NRIP3: variants seen among roughly 807,000 people sequenced by gnomAD.
The protein encoded by NRIP3 is nuclear receptor-interacting protein 3.
In NRIP3, 31 loss-of-function variants were observed where a neutral mutation model predicts 29.0. The ratio of observed to expected loss-of-function variants is 1.07; its 90% confidence interval spans 0.80 to 1.44. The LOEUF (loss-of-function observed/expected upper bound fraction) is 1.44. Among genes scored for constraint, NRIP3 ranks in the 40% most tolerant of loss-of-function variants. NRIP3 has a pLI of 0.00. For synonymous variants in NRIP3, 131 were observed against 118.3 expected (o/e 1.11, Z -0.70); for missense variants, 314 against 297.9 (o/e 1.05, Z -0.40).
intron 1 of NRIP3, among the ~76,000 whole-genome samples, chr11:9,002,578 T>A (rs1854825474): frequency 8.0e-6 from 1 of 124,994 alleles, no homozygotes; most frequent in Non-Finnish European, 1.6e-5. Context: ...TACCTGTGTA[T>A]CATTAGAGCT....
At chr11:8,984,038 G>T (rs561923070) in intron 5 of NRIP3, 34 bp downstream of exon 5, 1 of 1,604,714 alleles carries the variant, frequency 6.2e-7, no homozygotes, top group Non-Finnish European at 8.5e-7. Context: ...GCCTCAGAGA[G>T]GAAGTATCAA....
chr11:9,000,759 G>C (rs80060429), intron 1 of NRIP3, among the ~76,000 whole-genome samples: 1 of 145,348 alleles, frequency 6.9e-6, no homozygotes, highest in Non-Finnish European at 1.5e-5. Context: ...TTTTTCTCCA[G>C]CTTCACTGAG....
chr11:9,001,011 G>C (rs997221393), intron 1 of NRIP3, among the ~76,000 whole-genome samples: 4 of 152,082 alleles, frequency 2.6e-5, no homozygotes, highest in Non-Finnish European at 5.9e-5. Flanking sequence ...CGAGGCTGCA[G>C]TAAGATGTGA....
chr11:8,988,253 G>T lies in NRIP3; in HGVS notation c.204C>A (p.Leu68=), dbSNP rs142152039. ...GGAGCTTAGACAGGTTGGTTTCCAT[G>T]AGGCGCCTCTGCAGAATATTATGAG... The part of the protein sequence containing the change: ...MQPHNILQRR[L]METNLSKLRS... Residue 68 remains leucine, a synonymous_variant, in exon 2 of 7, where the codon CTC becomes CTA. Transcript: ENST00000309166. 6.2e-7 allele frequency: 1 copy of T among 1,614,130 alleles called. No homozygotes were observed. The highest frequency in any genetic ancestry group is 8.5e-7 in the Non-Finnish European group (1 of 1,179,992).
Position 8,988,247 on chromosome 11 carries a change from T to G in NRIP3, c.210A>C (p.Glu70Asp), listed in dbSNP as rs750079044. The change falls in exon 2 of 7, where the codon GAA (glutamate) becomes GAC (aspartate). Residue 70 changes from glutamate (E) to aspartate (D), a missense_variant. Coordinates refer to ENST00000309166, the MANE Select transcript of NRIP3 (RefSeq NM_020645.3). Reference protein sequence around the residue: ...PHNILQRRLMETNLSKLRSGP... With the variant: ...PHNILQRRLMDTNLSKLRSGP... ...CGCTTCGGAGCTTAGACAGGTTGGT[T>G]TCCATGAGGCGCCTCTGCAGAATAT... is the stretch of plus-strand genomic sequence containing the variant. 4 of 1,614,002 alleles carry G rather than the reference T, an allele frequency of 2.5e-6. No individual in the cohort carries two copies. In the African/African-American group the frequency reaches 4.0e-5, roughly 16 times the overall value.
At chr11:8,987,186 A>C (rs188896949) in intron 3 of NRIP3, among the ~76,000 whole-genome samples, 1 of 152,176 alleles carries the variant, frequency 6.6e-6, no homozygotes, top group Non-Finnish European at 1.5e-5. Flanking sequence ...ACTTTTACTC[A>C]TCTGGATGGA....
At chr11:8,985,873 A>C (rs146712811) in intron 3 of NRIP3, 23 bp from the exon 4 acceptor site, 1 of 1,612,562 alleles carries the variant, frequency 6.2e-7, no homozygotes, top group Admixed American at 1.7e-5. Context: ...GGAAGATACC[A>C]AAATCCCCTT....
Position 8,980,790 on chromosome 11 carries a change from C to A in NRIP3, c.*2755G>T, listed in dbSNP as rs780156764. 5 of 152,184 alleles carry A rather than the reference C, an allele frequency of 3.3e-5. No individual in the cohort carries two copies. Among genetic ancestry groups the A allele is most frequent in the Non-Finnish European group, 5.9e-5 (4 of 68,044 alleles). 9.4% of individuals were successfully genotyped at this position (152,184 alleles called of 1,614,324 possible). On this transcript the variant is annotated 3_prime_UTR_variant, in exon 7 of 7. Coordinates refer to ENST00000309166, the MANE Select transcript of NRIP3 (RefSeq NM_020645.3). ...CATACCAGGCAACCCATTGTATAGACACTTTGAGCTAAGAAATAGAAAATT... is the reference window on the plus strand; with the variant it reads ...CATACCAGGCAACCCATTGTATAGAAACTTTGAGCTAAGAAATAGAAAATT...
At chr11:8,985,608 G>C (rs888861780) in intron 4 of NRIP3, 103 bp downstream of exon 4, 4 of 1,444,176 alleles carry the variant, frequency 2.8e-6, no homozygotes, top group Non-Finnish European at 3.7e-6. Context: ...GAACCATTTT[G>C]AAAAAGTCAA....
chr11:8,984,054 A>C lies in NRIP3; in HGVS notation c.615+18T>G. 1 of 1,609,732 alleles carries C rather than the reference A, an allele frequency of 6.2e-7. No homozygotes were observed. Among genetic ancestry groups the C allele is most frequent in the Non-Finnish European group, 8.5e-7 (1 of 1,176,014 alleles). ...CCTCAGAGAGGAAGTATCAAGGGGT[A>C]AGTGGAGTCAATCTTACCTTCAGAG... On this transcript the variant is annotated intron_variant, in intron 5 of 6. Transcript: ENST00000309166.
intron 1 of NRIP3, among the ~76,000 whole-genome samples, chr11:8,996,275 C>CTTTTTTTTTTTTTTTTTTTTTTTT: frequency 1.2e-5 from 1 of 82,944 alleles, no homozygotes; most frequent in Non-Finnish European, 2.1e-5. Flanking sequence ...CCTTTTTTTC[C>CTTTTTTTTTTTTTTTTTTTTTTTT]TTTTTTTTTT....
Position 8,981,027 on chromosome 11 carries a change from A to G in NRIP3, c.*2518T>C, listed in dbSNP as rs143018641. 1 of 152,254 alleles carries G rather than the reference A, an allele frequency of 6.6e-6. No homozygotes were observed. The highest frequency in any genetic ancestry group is 6.5e-5 in the Admixed American group (1 of 15,288). The allele number at this position is 152,254 out of a possible 1,614,324, so 9.4% of individuals were successfully genotyped here. A position where few individuals can be genotyped will look rare whatever the true frequency, so the allele number is the denominator to read the frequency against. On this transcript the variant is annotated 3_prime_UTR_variant, in exon 7 of 7. Coordinates refer to ENST00000309166, the MANE Select transcript of NRIP3 (RefSeq NM_020645.3). ...TGACACCCTTTCTCCCACACCCTCA[A>G]TGTAAGGTACCAGAATTTTTTAGGA... is the stretch of plus-strand genomic sequence containing the variant.
intron 6 of NRIP3, 35 bp from the exon 7 acceptor site, chr11:8,983,595 C>T (rs771004245): frequency 6.2e-7 from 1 of 1,604,876 alleles, no homozygotes; most frequent in Non-Finnish European, 8.5e-7. Context: ...AGAAATAATG[C>T]CAAATTCAAA....
intron 3 of NRIP3, 80 bp from the exon 4 acceptor site, chr11:8,985,930 C>T (rs2134909070): frequency 1.3e-6 from 2 of 1,504,434 alleles, no homozygotes; most frequent in East Asian, 4.5e-5. Flanking sequence ...TTCTGACCTA[C>T]AATTGGAATT....
At position 8,988,278 on chromosome 11, in the gene NRIP3, G is replaced by A; in HGVS notation, c.179C>T (p.Pro60Leu). The change falls in exon 2 of 7, where the codon CCT (proline) becomes CTT (leucine). Residue 60 changes from proline (P) to leucine (L), a missense_variant. Pro to Leu is a moderately conservative substitution (Grantham distance 98, BLOSUM62 -3). Transcript: ENST00000309166. ...GAGGCGCCTCTGCAGAATATTATGA[G>A]GTTGCTTGAGGGATAGAAAGCAGAG... The part of the protein sequence containing the change: ...KKLGSSKDMQ[P>L]HNILQRRLME... 8 of 1,613,230 alleles carry A rather than the reference G, an allele frequency of 5.0e-6. No homozygotes were observed. The highest frequency in any genetic ancestry group is 6.8e-6 in the Non-Finnish European group (8 of 1,179,454).
Position 8,983,486 on chromosome 11 carries a change from CTCTA to C in NRIP3, c.*55_*58del, listed in dbSNP as rs1245777885. 1.3e-6 allele frequency: 2 copies of C among 1,575,710 alleles called. No individual in the cohort carries two copies. Among genetic ancestry groups the C allele is most frequent in the African/African-American group, 1.4e-5 (1 of 73,534 alleles). On this transcript the variant is annotated 3_prime_UTR_variant, in exon 7 of 7. Transcript: ENST00000309166. ...CGGCATTTGGTTCAAACCCAGTTTTCTCTATCTGTCAACCCGGTGTGTATGCATG... is the reference window on the plus strand; with the variant it reads ...CGGCATTTGGTTCAAACCCAGTTTTCTCTGTCAACCCGGTGTGTATGCATG...
intron 1 of NRIP3, among the ~76,000 whole-genome samples, chr11:8,997,355 C>CAAAAAAAAAAA (rs11324721): frequency 5.7e-4 from 57 of 100,798 alleles, no homozygotes; most frequent in African/African-American, 1.2e-3. Context: ...GACTCCGTCT[C>CAAAAAAAAAAA]AAAAAAAAAA....
intron 1 of NRIP3, among the ~76,000 whole-genome samples, chr11:8,989,310 A>G (rs1261550231): frequency 2.6e-5 from 4 of 152,226 alleles, no homozygotes; most frequent in African/African-American, 9.6e-5. Flanking sequence ...CTACAATACC[A>G]TTTAAAATCC....
At position 8,980,985 on chromosome 11, in the gene NRIP3, G is replaced by C. The variant is rs1303507700; in HGVS notation, c.*2560C>G. The C allele has an allele frequency of 6.6e-6, 1 of 152,128 alleles. No individual in the cohort carries two copies. The highest frequency in any genetic ancestry group is 6.6e-5 in the Admixed American group (1 of 15,264). 9.4% of individuals were successfully genotyped at this position (152,128 alleles called of 1,614,324 possible). ...GACAGGTCTGGTGCTTCATGCTACTGCCTATTTTCAGAACTATGACACCCT... is the reference window on the plus strand; with the variant it reads ...GACAGGTCTGGTGCTTCATGCTACTCCCTATTTTCAGAACTATGACACCCT... On this transcript the variant is annotated 3_prime_UTR_variant, in exon 7 of 7. Coordinates refer to ENST00000309166, the MANE Select transcript of NRIP3 (RefSeq NM_020645.3).
Sources: allele counts gnomAD v4.1 joint callset (sites outside exome capture counted in the v4.1 genomes callset), GRCh38; gene constraint gnomAD v4.1.1; transcripts MANE v1.5; gene names NCBI Gene and HGNC (gene_info 2026-07-23, HGNC 2026-07-21).